NOP9: variants seen among roughly 807,000 people sequenced by gnomAD.
NOP9 encodes NOP9 nucleolar protein, also known as nucleolar protein 9.
A neutral mutation model predicts 63.0 loss-of-function variants in NOP9; 50 were observed. That is an observed-to-expected ratio of 0.79 (90% CI 0.63 to 1.00). The LOEUF is 1.00. Among genes scored for constraint, NOP9 ranks in the 50% least tolerant of loss-of-function variants. The pLI, the probability that NOP9 is intolerant of heterozygous loss-of-function variation, is 0.00. For missense variants in NOP9, 758 were observed against 803.0 expected, an observed-to-expected ratio of 0.94 and a Z score of 0.68; for synonymous variants, 343 against 332.8, an observed-to-expected ratio of 1.03 and a Z score of -0.33.
At position 24,305,028 on chromosome 14, in the gene NOP9, C is replaced by T. The variant is rs2041455991; in HGVS notation, c.1844C>T (p.Ala615Val). Reference sequence around the variant, plus strand: ...ACTACCTTCCTAAAGCGGCGAGAGGCTTGGGAACAGCAGCAGGGTGCGGTG... The same window carrying T: ...ACTACCTTCCTAAAGCGGCGAGAGGTTTGGGAACAGCAGCAGGGTGCGGTG... The part of the protein sequence containing the change: ...ALTTFLKRRE[A>V]WEQQQGAVAK... Residue 615 changes from alanine to valine, a missense_variant, in exon 10 of 10, where the codon GCT (alanine) becomes GTT (valine). Ala to Val is a moderately conservative substitution (Grantham distance 64, BLOSUM62 0). Transcript: ENST00000267425. 6.2e-7 allele frequency: 1 copy of T among 1,606,678 alleles called. No homozygotes were observed. Among genetic ancestry groups the T allele is most frequent in the African/African-American group, 1.3e-5 (1 of 74,462 alleles).
At chr14:24,293,520 G>A in the NOP9 span, 1 of 152,132 alleles carries the variant, frequency 6.6e-6, no homozygotes, top group African/African-American at 2.4e-5. Context: ...GTTGCAGTAA[G>A]CTGAGATTGT....
the NOP9 span, chr14:24,292,452 A>G: frequency 6.7e-7 from 1 of 1,492,350 alleles, no homozygotes; most frequent in Non-Finnish European, 9.1e-7. Flanking sequence ...CCAAGGTCTC[A>G]GCTGCCCACG....
upstream of NOP9, among the ~76,000 whole-genome samples, chr14:24,297,598 C>G (rs538923734): frequency 1.8e-3 from 272 of 152,328 alleles, 2 homozygotes; most frequent in African/African-American, 6.2e-3. Context: ...CCAGCCAGTA[C>G]GACCTATCTA....
the NOP9 span, among the ~76,000 whole-genome samples, chr14:24,285,922 G>A: frequency 6.6e-6 from 1 of 152,126 alleles, no homozygotes; most frequent in Admixed American, 6.5e-5. Flanking sequence ...CCAGGAGGTG[G>A]AGGTGGCTGT....
the NOP9 span, among the ~76,000 whole-genome samples, chr14:24,286,808 G>A: frequency 6.6e-6 from 1 of 151,912 alleles, no homozygotes; most frequent in Non-Finnish European, 1.5e-5. Context: ...TAGCCAGGAT[G>A]GTCTCGATCT....
chr14:24,296,368 A>T (rs1231506811), upstream of NOP9: 1 of 789,464 alleles, frequency 1.3e-6, no homozygotes, highest in Non-Finnish European at 2.1e-6. Context: ...CTCCAGAGGT[A>T]AGTGGGACAA....
At position 24,300,655 on chromosome 14, in the gene NOP9, G is replaced by T. The variant is rs761552724; in HGVS notation, c.495G>T (p.Glu165Asp). ...TGGGGAGTGCTGCAGAGGAGGAGGA[G>T]GAGGAGGAGGAGGATGGAAAGGATG... ...RLLGSAAEEEEEEEEDGKDGP... is the reference protein window; with the variant it reads ...RLLGSAAEEEDEEEEDGKDGP... Residue 165 changes from glutamate (E) to aspartate (D), a missense_variant, in exon 2 of 10, where the codon GAG becomes GAT. By Grantham distance (45) the Glu-to-Asp change is conservative. Transcript: ENST00000267425. The T allele has an allele frequency of 6.2e-7, 1 of 1,613,232 alleles. No individual in the cohort carries two copies. The highest frequency in any genetic ancestry group is 2.2e-5 in the East Asian group (1 of 44,890).
At chr14:24,280,382 G>A in the NOP9 span, among the ~76,000 whole-genome samples, 1 of 152,118 alleles carries the variant, frequency 6.6e-6, no homozygotes, top group African/African-American at 2.4e-5. Flanking sequence ...CTGGCTTGGG[G>A]CTCGGTCAAG....
chr14:24,272,245 A>C, the NOP9 span, among the ~76,000 whole-genome samples: 4 of 152,236 alleles, frequency 2.6e-5, no homozygotes, highest in African/African-American at 4.8e-5. Flanking sequence ...TTATATCTCC[A>C]GCCCAGATGT....
At position 24,307,881 on chromosome 14, in the gene NOP9, C is replaced by T. The variant is rs2041569769; in HGVS notation, c.*2786C>T. 5.7e-6 allele frequency: 9 copies of T among 1,572,742 alleles called. No individual in the cohort carries two copies. Among genetic ancestry groups the T allele is most frequent in the Non-Finnish European group, 7.8e-6 (9 of 1,157,460 alleles). On this transcript the variant is annotated 3_prime_UTR_variant, in exon 10 of 10. Coordinates refer to ENST00000267425, the MANE Select transcript of NOP9 (RefSeq NM_174913.3). The stretch of plus-strand genomic sequence containing the variant: ...CATGGTGGACCGGAGAGTTCCTTCC[C>T]TGGAACTTCTGGGCTGGGTGGTTCT...
chr14:24,305,011 C>A lies in NOP9; in HGVS notation c.1827C>A (p.Phe609Leu). ...CTCGAAATGTGGCCTTGACTACCTT[C>A]CTAAAGCGGCGAGAGGCTTGGGAAC... ...HVARNVALTTFLKRREAWEQQ... is the reference protein window; with the variant it reads ...HVARNVALTTLLKRREAWEQQ... The change falls in exon 10 of 10, where the codon TTC (phenylalanine) becomes TTA (leucine). Residue 609 changes from phenylalanine (F) to leucine (L), a missense_variant. Coordinates refer to ENST00000267425, the MANE Select transcript of NOP9 (RefSeq NM_174913.3). The A allele has an allele frequency of 6.2e-7, 1 of 1,606,842 alleles. No homozygotes were observed. The highest frequency in any genetic ancestry group is 8.5e-7 in the Non-Finnish European group (1 of 1,176,924).
In NOP9 at chr14:24,300,705, T is replaced by C. The variant is rs2041358327; in HGVS notation, c.545T>C (p.Leu182Pro). ...KDGPTETLEE[L>P]VLGLAAEVCD... is the part of the protein sequence containing the mutation. ...GGTCCCACGGAGACCCTGGAGGAGC[T>C]GGTCCTGGGACTAGCCGCTGAGGTG... is the stretch of plus-strand genomic sequence containing the variant. The change falls in exon 2 of 10, where the codon CTG (leucine) becomes CCG (proline). Residue 182 changes from leucine to proline, a missense_variant. Coordinates refer to ENST00000267425, the MANE Select transcript of NOP9 (RefSeq NM_174913.3). 1.9e-6 allele frequency: 3 copies of C among 1,614,024 alleles called. No individual in the cohort carries two copies. Among genetic ancestry groups the C allele is most frequent in the Non-Finnish European group, 2.5e-6 (3 of 1,180,024 alleles).
In NOP9 at chr14:24,307,144, T is replaced by C; in HGVS notation, c.*2049T>C. 1 of 424,718 alleles carries C rather than the reference T, an allele frequency of 2.4e-6. No homozygotes were observed. Among genetic ancestry groups the C allele is most frequent in the Non-Finnish European group, 4.2e-6 (1 of 238,442 alleles). 26.3% of individuals were successfully genotyped at this position (424,718 alleles called of 1,614,324 possible). On this transcript the variant is annotated 3_prime_UTR_variant, in exon 10 of 10. Coordinates refer to ENST00000267425, the MANE Select transcript of NOP9 (RefSeq NM_174913.3). ...CATACTAGCTTCTGAATTCTGTCCC[T>C]CGAACTCTCCCTATCTCCTGCTAAC... is the stretch of plus-strand genomic sequence containing the variant.
In NOP9 at chr14:24,306,419, C is replaced by T. The variant is rs145654058; in HGVS notation, c.*1324C>T. 1.1e-4 allele frequency: 176 copies of T among 1,614,258 alleles called. No individual in the cohort carries two copies. The African/African-American group carries it at 2.1e-3, about 19-fold the overall frequency. On this transcript the variant is annotated 3_prime_UTR_variant, in exon 10 of 10. Transcript: ENST00000267425. ...GACCAGACTGCAACACCATCAGGCACGTGTCATCCTCCAGCAGCTGGAAGA... is the reference window on the plus strand; with the variant it reads ...GACCAGACTGCAACACCATCAGGCATGTGTCATCCTCCAGCAGCTGGAAGA...
At chr14:24,297,101 A>C (rs543932436), upstream of NOP9, among the ~76,000 whole-genome samples, 5 of 152,380 alleles carry the variant, frequency 3.3e-5, no homozygotes, top group African/African-American at 1.2e-4. Flanking sequence ...TTGCAATGTA[A>C]GTTTTAATAA....
At chr14:24,298,803 T>A, upstream of NOP9, 1 of 998,318 alleles carries the variant, frequency 1.0e-6, no homozygotes, top group South Asian at 2.4e-5. Context: ...TTACCTGAAG[T>A]TATTTACGGG....
Position 24,307,818 on chromosome 14 carries a change from CTGAG to C in NOP9, c.*2725_*2728del. 6.3e-7 allele frequency: 1 copy of C among 1,594,554 alleles called. No homozygotes were observed. The highest frequency in any genetic ancestry group is 8.5e-7 in the Non-Finnish European group (1 of 1,170,152). On this transcript the variant is annotated 3_prime_UTR_variant, in exon 10 of 10. Coordinates refer to ENST00000267425, the MANE Select transcript of NOP9 (RefSeq NM_174913.3). ...GGTAGAGCGGAGGGTTAGCAGTCAC[CTGAG>C]TAAGTCACTGGGGTTCAGAGCTGAG...
chr14:24,290,712 C>T, the NOP9 span: 1 of 1,030,984 alleles, frequency 9.7e-7, no homozygotes, highest in Admixed American at 2.4e-5. Context: ...AGGCGCACCC[C>T]AGAACTCACC....
chr14:24,289,197 T>C, the NOP9 span, among the ~76,000 whole-genome samples: 50 of 152,262 alleles, frequency 3.3e-4, no homozygotes, highest in Admixed American at 7.8e-4. Context: ...TTAGCCAGGA[T>C]GGTCTCGATC....
Sources: gnomAD v4.1 joint callset for allele counts (sites outside exome capture counted in the v4.1 genomes callset) on GRCh38, gnomAD v4.1.1 for gene constraint, MANE v1.5 for transcripts, NCBI Gene and HGNC (gene_info 2026-07-23, HGNC 2026-07-21) for gene names.